The following GSTO2 variants were observed in gnomAD, a reference collection of about 807,000 sequenced individuals.
GSTO2 encodes glutathione S-transferase omega 2.
Under a neutral mutation model 28.4 loss-of-function variants are expected in GSTO2, and 23 were observed. The ratio of observed to expected loss-of-function variants is 0.81; its 90% CI spans 0.58 to 1.15. The LOEUF (loss-of-function observed/expected upper bound fraction) is 1.15, where lower values mean the gene tolerates loss of function less well. Among genes scored for constraint, GSTO2 ranks in the 50% most tolerant of loss-of-function variants. The pLI, the probability that GSTO2 is intolerant of heterozygous loss-of-function variation, is 0.00. For synonymous variants in GSTO2, 109 were observed against 111.0 expected, an observed-to-expected ratio of 0.98 and a Z score of 0.11; for missense variants, 298 against 297.8, an observed-to-expected ratio of 1.00 and a Z score of 0.00.
At chr10:104,285,272 CT>C (rs965537125) in intron 5 of GSTO2, among the ~76,000 whole-genome samples, 1 of 151,926 alleles carries the variant, frequency 6.6e-6, no homozygotes, top group Non-Finnish European at 1.5e-5. Flanking sequence ...ATTTTATTTT[CT>C]TTTCCTCTTT....
chr10:104,292,401 T>C (rs1564851767), intron 5 of GSTO2, among the ~76,000 whole-genome samples: 1 of 151,888 alleles, frequency 6.6e-6, no homozygotes, highest in Non-Finnish European at 1.5e-5. Context: ...CAAGAGATCC[T>C]TCCACTTTGA....
intron 5 of GSTO2, among the ~76,000 whole-genome samples, chr10:104,282,404 G>C (rs575569599): frequency 6.6e-6 from 1 of 151,612 alleles, no homozygotes; most frequent in African/African-American, 2.4e-5. Flanking sequence ...AATACAAAAT[G>C]TTAGCTTGGC....
chr10:104,277,813 T>A, intron 3 of GSTO2, 81 bp from the exon 4 acceptor site: 1 of 909,316 alleles, frequency 1.1e-6, no homozygotes, highest in Non-Finnish European at 1.8e-6. Flanking sequence ...TTTAAACTGA[T>A]TGCTTCTGCT....
chr10:104,280,198 G>A (rs368448951), intron 5 of GSTO2, among the ~76,000 whole-genome samples: 14 of 146,070 alleles, frequency 9.6e-5, no homozygotes, highest in African/African-American at 3.5e-4. Context: ...AAAAGCCAGA[G>A]GTAGGCAGTT....
intron 4 of GSTO2, among the ~76,000 whole-genome samples, chr10:104,278,490 T>A (rs1385494123): frequency 6.6e-6 from 1 of 150,798 alleles, no homozygotes; most frequent in Admixed American, 6.6e-5. Context: ...TTTTTTATTA[T>A]TTTTTTTTTG....
chr10:104,291,708 G>A (rs1375011101), intron 5 of GSTO2: 1 of 152,246 alleles, frequency 6.6e-6, no homozygotes, highest in African/African-American at 2.4e-5. Flanking sequence ...CAGGGCTTGG[G>A]AACAGTGCAT....
At chr10:104,283,536 G>A (rs2012214650) in intron 5 of GSTO2, among the ~76,000 whole-genome samples, 1 of 152,124 alleles carries the variant, frequency 6.6e-6, no homozygotes, top group Non-Finnish European at 1.5e-5. Flanking sequence ...TGAGGCGGGA[G>A]CATCTTTTGA....
intron 6 of GSTO2, among the ~76,000 whole-genome samples, chr10:104,298,467 A>C (rs570428576): frequency 6.6e-6 from 1 of 152,336 alleles, no homozygotes; most frequent in East Asian, 1.9e-4. Context: ...TTTAAAACTC[A>C]ATATCAAACA....
chr10:104,298,203 T>C (rs951750518), intron 6 of GSTO2, among the ~76,000 whole-genome samples: 1 of 152,192 alleles, frequency 6.6e-6, no homozygotes, highest in African/African-American at 2.4e-5. Flanking sequence ...GCAGGGACAT[T>C]AAAGGAGAAG....
Position 104,290,986 on chromosome 10 carries a change from C to T in GSTO2, c.469-6592C>T, listed in dbSNP as rs2012739181. Among the ~76,000 whole-genome samples, 4 of 152,096 alleles carry T rather than the reference C, an allele frequency of 2.6e-5. No individual in the cohort carries two copies. In the South Asian group the frequency reaches 8.3e-4, roughly 32 times the overall value. On this transcript the variant is annotated intron_variant, in intron 5 of 6. Coordinates refer to ENST00000338595, the MANE Select transcript of GSTO2 (RefSeq NM_183239.2). ...GCTTATTGCATACTGCATGCCTGGA[C>T]CAAAATATGTACCCCATAAATATAT...
At position 104,275,373 on chromosome 10, in the gene GSTO2, C is replaced by A. The variant is rs759812200; in HGVS notation, c.143+39C>A. 18 of 1,589,708 alleles carry A rather than the reference C, an allele frequency of 1.1e-5. No homozygotes were observed. In the African/African-American group the frequency reaches 2.3e-4, roughly 20 times the overall value. On this transcript the variant is annotated intron_variant, in intron 3 of 6. Coordinates refer to ENST00000338595, the MANE Select transcript of GSTO2 (RefSeq NM_183239.2). ...ACCCAGAGCCCCCGAGCAAACCCAG[C>A]GCCTCACAGGAGCCCGGGAATGTTT...
intron 5 of GSTO2, chr10:104,297,284 G>C (rs893160583): frequency 2.1e-5 from 5 of 234,380 alleles, no homozygotes; most frequent in Non-Finnish European, 4.3e-5. Flanking sequence ...AGGCTAAGAG[G>C]GAGGGACTGG....
Position 104,274,938 on chromosome 10 carries a change from C to T in GSTO2, c.23C>T (p.Thr8Ile), listed in dbSNP as rs1375012717. The T allele has an allele frequency of 5.6e-6, 9 of 1,604,028 alleles. No homozygotes were observed. Among genetic ancestry groups the T allele is most frequent in the Admixed American group, 1.8e-5 (1 of 56,976 alleles). Residue 8 changes from threonine to isoleucine, a missense_variant, in exon 2 of 7, where the codon ACC (threonine) becomes ATC (isoleucine). Physicochemically the swap from Thr to Ile is moderately conservative, Grantham distance 89. Coordinates refer to ENST00000338595, the MANE Select transcript of GSTO2 (RefSeq NM_183239.2). MSGDATR[T>I]LGKGSQPPGP... is the part of the protein sequence containing the mutation. ...ACCATGTCTGGGGATGCGACCAGGA[C>T]CCTGGGGAAAGGTGAGTGCTCTCCA...
chr10:104,283,351 C>T lies in GSTO2; in HGVS notation c.468+3880C>T, dbSNP rs533397066. ...AGCAAGAATTGTAGCTATGGCTGGG[C>T]GTGGTGGCTCACACTTGTAATCCAG... On this transcript the variant is annotated intron_variant, in intron 5 of 6. Coordinates refer to ENST00000338595, the MANE Select transcript of GSTO2 (RefSeq NM_183239.2). Among the ~76,000 whole-genome samples the T allele has an allele frequency of 3.4e-4, 52 of 152,310 alleles. No homozygotes were observed. In the South Asian group the frequency reaches 4.8e-3, roughly 14 times the overall value.
intron 5 of GSTO2, among the ~76,000 whole-genome samples, chr10:104,287,091 T>C (rs1197388770): frequency 6.6e-6 from 1 of 152,222 alleles, no homozygotes; most frequent in Non-Finnish European, 1.5e-5. Flanking sequence ...TTTTACTCTG[T>C]TGCCCAGGCT....
Position 104,274,695 on chromosome 10 carries a change from C to T in GSTO2, c.-221C>T. The T allele has an allele frequency of 1.7e-6, 1 of 592,296 alleles. No individual in the cohort carries two copies. Among genetic ancestry groups the T allele is most frequent in the East Asian group, 3.1e-5 (1 of 32,606 alleles). The allele number at this position is 592,296 out of a possible 1,614,324, so 36.7% of individuals were successfully genotyped here. ...TTTGTTTTTTGCCAGCTCCTACTCT[C>T]GGGCTTCCAAATCTGGGGCGATGTC... is the stretch of plus-strand genomic sequence containing the variant. On this transcript the variant is annotated 5_prime_UTR_variant, in exon 2 of 7. Coordinates refer to ENST00000338595, the MANE Select transcript of GSTO2 (RefSeq NM_183239.2).
At chr10:104,293,147 G>T (rs531095909) in intron 5 of GSTO2, among the ~76,000 whole-genome samples, 1 of 152,188 alleles carries the variant, frequency 6.6e-6, no homozygotes, top group Admixed American at 6.5e-5. Context: ...GCTTTGGCTT[G>T]AGCTTCTGAT....
chr10:104,274,293 A>G (rs764532455), intron 1 of GSTO2, among the ~76,000 whole-genome samples: 1 of 152,172 alleles, frequency 6.6e-6, no homozygotes, highest in Non-Finnish European at 1.5e-5. Flanking sequence ...TGAGGTGTCT[A>G]GGGTGCAAAA....
intron 5 of GSTO2, chr10:104,295,871 C>T (rs2012995557): frequency 6.6e-6 from 1 of 152,208 alleles, no homozygotes; most frequent in Non-Finnish European, 1.5e-5. Flanking sequence ...GATTCTGGTC[C>T]TTTTGCCCTC....
Sources: allele counts gnomAD v4.1 joint callset (sites outside exome capture counted in the v4.1 genomes callset), GRCh38; gene constraint gnomAD v4.1.1; transcripts MANE v1.5; gene names NCBI Gene and HGNC (gene_info 2026-07-23, HGNC 2026-07-21).